GLP2R: variants seen among roughly 807,000 people sequenced by gnomAD.
GLP2R encodes the protein glucagon like peptide 2 receptor.
GLP2R carries 59 observed loss-of-function variants against 68.2 expected under a neutral mutation model. The ratio of observed to expected loss-of-function variants is 0.87; its 90% CI spans 0.70 to 1.07. GLP2R has a LOEUF of 1.07. GLP2R is among the 50% of genes least tolerant of loss of function. The pLI is 0.00. For missense variants in GLP2R, 548 were observed against 677.4 expected, an observed-to-expected ratio of 0.81 and a Z score of 2.12; for synonymous variants, 270 against 265.4, an observed-to-expected ratio of 1.02 and a Z score of -0.17.
intron 11 of GLP2R, among the ~76,000 whole-genome samples, chr17:9,883,663 T>A (rs2067216617): frequency 6.6e-6 from 1 of 152,200 alleles, no homozygotes; most frequent in African/African-American, 2.4e-5. Flanking sequence ...AACAGCTGAC[T>A]ACTCATCAGA....
intron 9 of GLP2R, among the ~76,000 whole-genome samples, chr17:9,867,338 G>A (rs745384890): frequency 1.3e-5 from 2 of 152,196 alleles, no homozygotes; most frequent in Non-Finnish European, 2.9e-5. Flanking sequence ...GGGTTGATGC[G>A]AGTGTACAAC....
chr17:9,854,449 T>C (rs1324189161), intron 4 of GLP2R, 46 bp from the exon 5 acceptor site: 1 of 1,163,376 alleles, frequency 8.6e-7, no homozygotes, highest in Non-Finnish European at 1.3e-6. Flanking sequence ...GTTGTGGCCA[T>C]AGCCCCATGG....
intron 5 of GLP2R, among the ~76,000 whole-genome samples, chr17:9,855,839 A>G (rs192683372): frequency 7.2e-4 from 109 of 152,378 alleles, no homozygotes; most frequent in African/African-American, 2.6e-3. Flanking sequence ...CTAAACTTTC[A>G]GTATTCCAAA....
At chr17:9,836,498 ATTTTCCCCAACCAAGTGC>A in intron 3 of GLP2R, 23 bp downstream of exon 3, 6 of 1,432,756 alleles carry the variant, frequency 4.2e-6, no homozygotes, top group Non-Finnish European at 5.9e-6. Flanking sequence ...ATTTTTACCA[ATTTTCCCCAACCAAGTGC>A]TTTTCTGAAG....
chr17:9,829,685 C>T (rs533671264), intron 1 of GLP2R, among the ~76,000 whole-genome samples: 4 of 151,958 alleles, frequency 2.6e-5, no homozygotes, highest in Non-Finnish European at 4.4e-5. Flanking sequence ...CAAGATTATT[C>T]CCTTTGAAGT....
Position 9,854,554 on chromosome 17 carries a change from C to A in GLP2R, c.564C>A (p.Phe188Leu). The change falls in exon 5 of 13, where the codon TTC (phenylalanine) becomes TTA (leucine). Residue 188 changes from phenylalanine (F) to leucine (L), a missense_variant. Physicochemically the swap from Phe to Leu is conservative, Grantham distance 22 (BLOSUM62 0). Coordinates refer to ENST00000262441, the MANE Select transcript of GLP2R (RefSeq NM_004246.3). Reference sequence around the variant, plus strand: ...TGATGTACACCGTGGGATACTCCTTCTCTCTTATCTCCCTCTTCCTGGCTC... The same window carrying A: ...TGATGTACACCGTGGGATACTCCTTATCTCTTATCTCCCTCTTCCTGGCTC... ...LQLMYTVGYS[F>L]SLISLFLALT... 1.9e-6 allele frequency: 3 copies of A among 1,612,114 alleles called. No individual in the cohort carries two copies. The highest frequency in any genetic ancestry group is 1.7e-6 in the Non-Finnish European group (2 of 1,178,140).
intron 5 of GLP2R, among the ~76,000 whole-genome samples, chr17:9,856,602 C>T (rs796571080): frequency 2.0e-5 from 3 of 152,288 alleles, no homozygotes; most frequent in African/African-American, 7.2e-5. Context: ...TGGACACTTA[C>T]TTATGTGCAC....
intron 9 of GLP2R, among the ~76,000 whole-genome samples, chr17:9,868,819 T>C (rs1415874151): frequency 6.6e-6 from 1 of 152,200 alleles, no homozygotes; most frequent in Non-Finnish European, 1.5e-5. Flanking sequence ...ACAGTCCTGA[T>C]TGAAATTAAT....
chr17:9,852,139 G>T lies in GLP2R; in HGVS notation c.505-2356G>T, dbSNP rs530621011. Among the ~76,000 whole-genome samples the T allele has an allele frequency of 2.1e-3, 316 of 151,562 alleles. 2 individuals are homozygous for T. Among genetic ancestry groups the T allele is most frequent in the African/African-American group, 7.1e-3 (293 of 41,328 alleles). ...TACATAAGTATACATGTGCCATGGT[G>T]GTTTGCTGCACCCATCAACCCATCA... On this transcript the variant is annotated intron_variant, in intron 4 of 12. Coordinates refer to ENST00000262441, the MANE Select transcript of GLP2R (RefSeq NM_004246.3).
At chr17:9,861,014 C>T (rs1428504744) in intron 7 of GLP2R, 125 bp from the exon 8 acceptor site, 1 of 734,672 alleles carries the variant, frequency 1.4e-6, no homozygotes, top group Non-Finnish European at 2.5e-6. Flanking sequence ...CTCTCACAGT[C>T]CACAACTCCA....
Position 9,880,553 on chromosome 17 carries a change from G to T in GLP2R, c.1284+37G>T, listed in dbSNP as rs200366570. On this transcript the variant is annotated intron_variant, in intron 11 of 12. Coordinates refer to ENST00000262441, the MANE Select transcript of GLP2R (RefSeq NM_004246.3). The stretch of plus-strand genomic sequence containing the variant: ...TCTGAACCAAAATGCCTTGACTTTG[G>T]AGAAAACAAAATGCATGTGGCCGAA... 249 of 1,472,548 alleles carry T rather than the reference G, an allele frequency of 1.7e-4. No individual in the cohort carries two copies. The Admixed American group carries it at 2.1e-3, about 12-fold the overall frequency. The allele number at this position is 1,472,548 out of a possible 1,614,324, so 91.2% of individuals were successfully genotyped here.
chr17:9,843,291 C>CA (rs2066805785), intron 4 of GLP2R, among the ~76,000 whole-genome samples: 1 of 152,218 alleles, frequency 6.6e-6, no homozygotes, highest in African/African-American at 2.4e-5. Flanking sequence ...GTGGCATGCT[C>CA]AGAGGAACAG....
intron 10 of GLP2R, among the ~76,000 whole-genome samples, chr17:9,879,340 T>TAAAATAAAATAAAATAAAATAAAATAAA (rs1567737400): frequency 5.4e-5 from 6 of 111,202 alleles, no homozygotes; most frequent in East Asian, 5.0e-4. Flanking sequence ...TAAAATAAAA[T>TAAAATAAAATAAAATAAAATAAAATAAA]AAAATAATTA....
intron 3 of GLP2R, among the ~76,000 whole-genome samples, chr17:9,840,024 C>G (rs1050005283): frequency 2.6e-5 from 4 of 151,150 alleles, no homozygotes; most frequent in African/African-American, 9.7e-5. Context: ...CTCTGTTGCC[C>G]AGGCTGGAGT....
chr17:9,873,329 C>T lies in GLP2R; in HGVS notation c.1145+2494C>T, dbSNP rs150591850. On this transcript the variant is annotated intron_variant, in intron 10 of 12. Transcript: ENST00000262441. ...GCCTATCACGGGCCACTGGCACCTT[C>T]GCCATGCCCAAGACCCACAGCAACC... is the stretch of plus-strand genomic sequence containing the variant. Among the ~76,000 whole-genome samples the T allele has an allele frequency of 5.3e-5, 8 of 152,274 alleles. No homozygotes were observed. In the East Asian group the frequency reaches 7.7e-4, roughly 15 times the overall value.
At chr17:9,880,047 G>A (rs2067181456) in intron 10 of GLP2R, among the ~76,000 whole-genome samples, 1 of 152,204 alleles carries the variant, frequency 6.6e-6, no homozygotes, top group Admixed American at 6.5e-5. Context: ...TAGGGGTGGA[G>A]TGTCCCAGGG....
intron 11 of GLP2R, among the ~76,000 whole-genome samples, chr17:9,886,759 T>C: frequency 6.6e-6 from 1 of 152,144 alleles, no homozygotes; most frequent in South Asian, 2.1e-4. Flanking sequence ...TGAACAAGGC[T>C]TACATAAGGA....
In GLP2R at chr17:9,880,185, G is replaced by A. The variant is rs115525273; in HGVS notation, c.1146-193G>A. ...CATGTTTTCTGAGCATTCCCCATGC[G>A]TCAAGTGTAGGAACACAACAGTAAA... On this transcript the variant is annotated intron_variant, in intron 10 of 12. Coordinates refer to ENST00000262441, the MANE Select transcript of GLP2R (RefSeq NM_004246.3). Among the ~76,000 whole-genome samples the A allele has an allele frequency of 2.1e-3, 314 of 152,270 alleles. 1 individual carries two copies. Among genetic ancestry groups the A allele is most frequent in the East Asian group, 0.019 (100 of 5,182 alleles).
intron 4 of GLP2R, among the ~76,000 whole-genome samples, chr17:9,852,105 C>T (rs2066897304): frequency 6.7e-6 from 1 of 148,970 alleles, no homozygotes; most frequent in Non-Finnish European, 1.5e-5. Context: ...GCAGAACGGG[C>T]AGGTTTGTTA....
Sources: gnomAD v4.1 joint callset for allele counts (sites outside exome capture counted in the v4.1 genomes callset) on GRCh38, gnomAD v4.1.1 for gene constraint, MANE v1.5 for transcripts, NCBI Gene and HGNC (gene_info 2026-07-23, HGNC 2026-07-21) for gene names.